Variants in CSAD observed in about 807,000 individuals in gnomAD.
CSAD encodes the protein cysteine sulfinic acid decarboxylase, also known as P-selectin cytoplasmic tail-associated protein.
In CSAD, 47 loss-of-function variants were observed where a neutral mutation model predicts 61.5. That is an observed-to-expected ratio of 0.76 (90% confidence interval 0.60 to 0.97). The LOEUF is 0.97. Ranked by LOEUF, CSAD falls within the 50% of genes least tolerant of loss-of-function variation. The pLI is 0.00. For synonymous variants in CSAD, 245 were observed against 252.7 expected (o/e 0.97, Z 0.29); for missense variants, 611 against 643.6 (o/e 0.95, Z 0.55).
chr12:53,163,693 GT>G (rs1939570813), intron 10 of CSAD, among the ~76,000 whole-genome samples: 2 of 152,210 alleles, frequency 1.3e-5, no homozygotes, highest in African/African-American at 4.8e-5. Flanking sequence ...TATGTTTCAT[GT>G]TGATGAATGA....
intron 8 of CSAD, chr12:53,170,956 G>T: frequency 2.4e-6 from 1 of 413,298 alleles, no homozygotes; most frequent in Non-Finnish European, 4.6e-6. Flanking sequence ...CCTGAGCTCA[G>T]GCAATCCACC....
At chr12:53,178,366 T>A (rs1396531964) in intron 2 of CSAD, 1 of 455,654 alleles carries the variant, frequency 2.2e-6, no homozygotes, top group Non-Finnish European at 4.4e-6. Flanking sequence ...GTTGCCCACA[T>A]CTGTAGTCCC....
chr12:53,159,733 G>C, intron 15 of CSAD, 21 bp from the exon 16 acceptor site: 1 of 1,593,096 alleles, frequency 6.3e-7, no homozygotes, highest in Non-Finnish European at 8.6e-7. Flanking sequence ...TGAGAAAGAG[G>C]AAGGTGTGAG....
intron 8 of CSAD, chr12:53,170,806 C>A: frequency 2.5e-6 from 1 of 407,438 alleles, no homozygotes; most frequent in Non-Finnish European, 4.6e-6. Flanking sequence ...CTGCAACTTC[C>A]GCCTCCCAGG....
At chr12:53,178,427 G>C (rs954348077) in intron 2 of CSAD, 9 of 455,182 alleles carry the variant, frequency 2.0e-5, no homozygotes, top group Admixed American at 7.1e-5. Context: ...AGGAGGTTGA[G>C]GCTGCAGTGT....
At chr12:53,165,848 C>T (rs937766830) in intron 10 of CSAD, among the ~76,000 whole-genome samples, 10 of 152,088 alleles carry the variant, frequency 6.6e-5, no homozygotes, top group African/African-American at 2.4e-4. Context: ...TCTGAGTATA[C>T]ACCCAAAACA....
Position 53,175,163 on chromosome 12 carries a change from T to C in CSAD, c.-49-1393A>G, listed in dbSNP as rs536225830. 2.0e-5 allele frequency among the ~76,000 whole-genome samples: 3 copies of C among 151,364 alleles called. No homozygotes were observed. In the East Asian group the frequency reaches 5.8e-4, roughly 29 times the overall value. On this transcript the variant is annotated intron_variant, in intron 2 of 16. Coordinates refer to ENST00000444623, the MANE Select transcript of CSAD (RefSeq NM_001244705.2). Reference sequence around the variant, plus strand: ...AAAGGGAAATTGCCACAAGAGGGAGTTGAGAGGTCACCATGGAAAGGCAGG... The same window carrying C: ...AAAGGGAAATTGCCACAAGAGGGAGCTGAGAGGTCACCATGGAAAGGCAGG...
At chr12:53,180,336 G>T in intron 1 of CSAD, 1 of 985,420 alleles carries the variant, frequency 1.0e-6, no homozygotes, top group African/African-American at 1.7e-5. Flanking sequence ...GGCTCAGAGC[G>T]ATGGGCAGGA....
chr12:53,160,042 TC>T, intron 14 of CSAD, 77 bp downstream of exon 14: 1 of 1,602,034 alleles, frequency 6.2e-7, no homozygotes, highest in Non-Finnish European at 8.5e-7. Flanking sequence ...AGAAAAGTAA[TC>T]CCGGGAGCAG....
At chr12:53,179,482 G>A (rs777531315) in intron 1 of CSAD, 25 of 407,664 alleles carry the variant, frequency 6.1e-5, no homozygotes, top group Non-Finnish European at 9.6e-5. Flanking sequence ...ATACTTTTGC[G>A]TTGTGTCGAT....
intron 10 of CSAD, among the ~76,000 whole-genome samples, chr12:53,169,775 C>T (rs1048309646): frequency 6.6e-6 from 1 of 152,044 alleles, no homozygotes; most frequent in Non-Finnish European, 1.5e-5. Context: ...CCCTCACAGC[C>T]CACAGGAACC....
At chr12:53,180,680 A>G (rs1278505533) in intron 1 of CSAD, 52 bp downstream of exon 1, 4 of 1,273,024 alleles carry the variant, frequency 3.1e-6, no homozygotes, top group East Asian at 6.1e-5. Context: ...GACGAGGGGG[A>G]GGGGGAAGTG....
At position 53,172,384 on chromosome 12, in the gene CSAD, C is replaced by G; in HGVS notation, c.306G>C (p.Leu102=). 6.2e-7 allele frequency: 1 copy of G among 1,614,092 alleles called. No individual in the cohort carries two copies. Among genetic ancestry groups the G allele is most frequent in the Non-Finnish European group, 8.5e-7 (1 of 1,180,020 alleles). The change falls in exon 6 of 17, where the codon CTG becomes CTC. Residue 102 remains leucine, a synonymous_variant. Coordinates refer to ENST00000444623, the MANE Select transcript of CSAD (RefSeq NM_001244705.2). ...GGCTCTCAGTGATAATGCGCCCGGC[C>G]AGAGCATGGGGATCCAACCCAGAGA... ...QLFSGLDPHA[L]AGRIITESLN...
intron 16 of CSAD, 28 bp from the exon 17 acceptor site, chr12:53,158,712 C>G (rs374449057): frequency 1.9e-6 from 3 of 1,606,824 alleles, no homozygotes; most frequent in South Asian, 1.1e-5. Context: ...GAGATTCCAG[C>G]TGCAGCCTGG....
intron 8 of CSAD, 110 bp from the exon 9 acceptor site, chr12:53,170,612 C>T: frequency 1.2e-6 from 1 of 827,736 alleles, no homozygotes; most frequent in East Asian, 2.5e-5. Flanking sequence ...CAGGGCTTCT[C>T]AAATGTCAGC....
intron 1 of CSAD, chr12:53,180,131 G>A: frequency 7.8e-7 from 1 of 1,283,982 alleles, no homozygotes; most frequent in Non-Finnish European, 9.9e-7. Flanking sequence ...GGCTACTCAA[G>A]GAACGCCTCT....
chr12:53,171,612 C>A (rs557750324), intron 7 of CSAD, 171 bp from the exon 8 acceptor site: 1 of 679,884 alleles, frequency 1.5e-6, no homozygotes, highest in East Asian at 2.7e-5. Context: ...ATCAGCAGAT[C>A]CTCTTGACCA....
At chr12:53,179,544 C>G in intron 1 of CSAD, 1 of 503,004 alleles carries the variant, frequency 2.0e-6, no homozygotes, top group African/African-American at 2.0e-5. Flanking sequence ...AGACTTATTC[C>G]TGGTGATGTT....
chr12:53,180,225 T>C lies in CSAD; in HGVS notation c.-91+507A>G, dbSNP rs1030034111. ...GCCTCTCCCAGCTGACCCCAAAATC[T>C]GCTAATCTGGGCCTGACGGAAAAAA... On this transcript the variant is annotated intron_variant, in intron 1 of 16. Transcript: ENST00000444623. 12 of 985,202 alleles carry C rather than the reference T, an allele frequency of 1.2e-5. No homozygotes were observed. In the African/African-American group the frequency reaches 1.9e-4, roughly 16 times the overall value. 61.0% of individuals were successfully genotyped at this position (985,202 alleles called of 1,614,324 possible).
Sources: allele counts gnomAD v4.1 joint callset (sites outside exome capture counted in the v4.1 genomes callset), GRCh38; gene constraint gnomAD v4.1.1; transcripts MANE v1.5; gene names NCBI Gene and HGNC (gene_info 2026-07-23, HGNC 2026-07-21).